Variants in SYNPR observed in about 807,000 individuals in gnomAD.
The protein encoded by SYNPR is synaptoporin.
Under a neutral mutation model 32.9 loss-of-function variants are expected in SYNPR, and 23 were observed. That is an observed-to-expected ratio of 0.70 (90% CI 0.50 to 0.99). The LOEUF (loss-of-function observed/expected upper bound fraction) is 0.99, where lower values mean the gene tolerates loss of function less well. SYNPR is among the 50% of genes least tolerant of loss of function. SYNPR has a pLI of 0.00. For missense variants in SYNPR, 318 were observed against 349.3 expected (o/e 0.91, Z 0.71); for synonymous variants, 146 against 135.9 (o/e 1.07, Z -0.52).
chr3:63,337,461 T>C (rs1249510157), intron 2 of SYNPR, among the ~76,000 whole-genome samples: 1 of 152,108 alleles, frequency 6.6e-6, no homozygotes, highest in African/African-American at 2.4e-5. Flanking sequence ...TTTCACAGTT[T>C]CATACAAAGT....
the SYNPR span, among the ~76,000 whole-genome samples, chr3:63,204,423 C>T: frequency 3.9e-5 from 6 of 152,234 alleles, no homozygotes; most frequent in African/African-American, 1.2e-4. Flanking sequence ...AGGCACTGGT[C>T]TTATTGGATT....
intron 3 of SYNPR, among the ~76,000 whole-genome samples, chr3:63,482,710 T>C (rs1326022566): frequency 6.6e-6 from 1 of 152,204 alleles, no homozygotes; most frequent in Non-Finnish European, 1.5e-5. Flanking sequence ...TTTGCCCCCA[T>C]TAATGTTCAT....
chr3:63,578,082 A>C (rs6785893), intron 4 of SYNPR, among the ~76,000 whole-genome samples: 18,570 of 152,186 alleles, frequency 0.12, 1,279 homozygotes, highest in African/African-American at 0.17. Flanking sequence ...AACTCCTAGA[A>C]GCGAAGTGTT....
chr3:63,445,058 A>G (rs1034716755), intron 2 of SYNPR, among the ~76,000 whole-genome samples: 9 of 151,838 alleles, frequency 5.9e-5, no homozygotes, highest in African/African-American at 2.2e-4. Flanking sequence ...CCCCTCCCCA[A>G]CACACACACA....
chr3:63,509,047 A>C (rs1701641657), intron 3 of SYNPR, among the ~76,000 whole-genome samples: 1 of 151,898 alleles, frequency 6.6e-6, no homozygotes, highest in Non-Finnish European at 1.5e-5. Flanking sequence ...TCCTAGTTTA[A>C]AGTCCCAGTT....
chr3:63,223,889 T>A (rs190370543), upstream of SYNPR, among the ~76,000 whole-genome samples: 1 of 152,300 alleles, frequency 6.6e-6, no homozygotes, highest in African/African-American at 2.4e-5. Flanking sequence ...GAATTCTTTT[T>A]TTCCCCACTT....
chr3:63,261,998 G>A (rs1473834451), intron 2 of SYNPR, among the ~76,000 whole-genome samples: 1 of 148,666 alleles, frequency 6.7e-6, no homozygotes, highest in Non-Finnish European at 1.5e-5. Flanking sequence ...TGCACGTTGT[G>A]CACATGTACC....
chr3:63,348,216 A>C (rs2087461709), intron 2 of SYNPR, among the ~76,000 whole-genome samples: 1 of 152,150 alleles, frequency 6.6e-6, no homozygotes, highest in African/African-American at 2.4e-5. Flanking sequence ...TTTAATAGCC[A>C]TTCTGACTGG....
At chr3:63,430,930 CAACT>C (rs1699981964) in intron 2 of SYNPR, among the ~76,000 whole-genome samples, 1 of 152,134 alleles carries the variant, frequency 6.6e-6, no homozygotes, top group South Asian at 2.1e-4. Context: ...GAGTGGGTGA[CAACT>C]GAGCTGGGTT....
upstream of SYNPR, among the ~76,000 whole-genome samples, chr3:63,275,816 T>A (rs73117542): frequency 0.047 from 7,180 of 152,220 alleles, 238 homozygotes; most frequent in Middle Eastern, 0.099. Context: ...ATAATAATTA[T>A]CGTTATTAAG....
intron 2 of SYNPR, among the ~76,000 whole-genome samples, chr3:63,474,635 C>A (rs1265356003): frequency 2.6e-5 from 4 of 151,942 alleles, no homozygotes; most frequent in Admixed American, 2.6e-4. Context: ...AATACTTGCA[C>A]TGTGGAAACT....
At position 63,278,357 on chromosome 3, in the gene SYNPR, G is replaced by T. The variant is rs1290900674; in HGVS notation, c.-177G>T. The T allele has an allele frequency of 1.3e-6, 1 of 745,148 alleles. No homozygotes were observed. The highest frequency in any genetic ancestry group is 2.8e-5 in the East Asian group (1 of 35,626). The allele number at this position is 745,148 out of a possible 1,614,324, so 46.2% of individuals were successfully genotyped here. On this transcript the variant is annotated 5_prime_UTR_variant, in exon 1 of 6. Coordinates refer to ENST00000478300, the MANE Select transcript of SYNPR (RefSeq NM_001130003.2). Reference sequence around the variant, plus strand: ...CCCCGACGCGCTGGGTTCCCGGAGCGCAGAGCCCAGCGTTAGCGGGTGGGC... The same window carrying T: ...CCCCGACGCGCTGGGTTCCCGGAGCTCAGAGCCCAGCGTTAGCGGGTGGGC...
chr3:63,235,233 G>GA (rs907880643), intron 1 of SYNPR, among the ~76,000 whole-genome samples: 1 of 151,904 alleles, frequency 6.6e-6, no homozygotes, highest in Non-Finnish European at 1.5e-5. Context: ...AATATAACAG[G>GA]AAACAGGCCT....
At chr3:63,201,295 A>G in the SYNPR span, among the ~76,000 whole-genome samples, 3 of 152,190 alleles carry the variant, frequency 2.0e-5, no homozygotes, top group African/African-American at 4.8e-5. Flanking sequence ...CAAAGGCATC[A>G]TATTTAGTTC....
intron 2 of SYNPR, among the ~76,000 whole-genome samples, chr3:63,322,327 C>G (rs1056601344): frequency 6.6e-6 from 1 of 152,004 alleles, no homozygotes; most frequent in Admixed American, 6.6e-5. Flanking sequence ...AGGTACTGTG[C>G]TAGGCACTTT....
chr3:63,314,699 CT>C (rs1241145156), intron 2 of SYNPR, among the ~76,000 whole-genome samples: 14 of 152,110 alleles, frequency 9.2e-5, no homozygotes, highest in Admixed American at 7.9e-4. Flanking sequence ...CTGCCTGCTC[CT>C]TTTGCCGTGC....
intron 2 of SYNPR, among the ~76,000 whole-genome samples, chr3:63,287,408 T>A (rs6791032): frequency 0.014 from 2,155 of 152,154 alleles, 40 homozygotes; most frequent in African/African-American, 0.048. Context: ...TCTAGGGAGG[T>A]CTTACTAGAT....
chr3:63,268,785 T>G (rs2086511501), intron 3 of SYNPR, among the ~76,000 whole-genome samples: 1 of 152,198 alleles, frequency 6.6e-6, no homozygotes. Flanking sequence ...TCAACTGTAT[T>G]TTGAAAATTT....
intron 2 of SYNPR, among the ~76,000 whole-genome samples, chr3:63,391,849 A>G (rs2088142044): frequency 6.6e-6 from 1 of 152,206 alleles, no homozygotes; most frequent in South Asian, 2.1e-4. Context: ...CACTGAGCTG[A>G]TGAAAGTAAT....
Sources: gnomAD v4.1 joint callset for allele counts (sites outside exome capture counted in the v4.1 genomes callset) on GRCh38, gnomAD v4.1.1 for gene constraint, MANE v1.5 for transcripts, NCBI Gene and HGNC (gene_info 2026-07-23, HGNC 2026-07-21) for gene names.